ANKRD26: variants seen among roughly 807,000 people sequenced by gnomAD.
The protein encoded by ANKRD26 is ankyrin repeat domain-containing protein 26.
ANKRD26 carries 141 observed loss-of-function variants against 208.7 expected under a neutral mutation model. The ratio of observed to expected loss-of-function variants is 0.68; its 90% CI spans 0.59 to 0.78. ANKRD26 has a LOEUF of 0.78. ANKRD26 is among the 30% of genes least tolerant of loss of function. ANKRD26 has a pLI of 0.00. For missense variants in ANKRD26, 1,889 were observed against 1,938.7 expected (o/e 0.97, Z 0.48); for synonymous variants, 636 against 660.4 (o/e 0.96, Z 0.57).
chr10:26,978,335 A>C (rs534329198), intron 5 of ANKRD26, among the ~76,000 whole-genome samples: 2 of 152,218 alleles, frequency 1.3e-5, no homozygotes, highest in South Asian at 4.2e-4. Context: ...ACGTGCCTGT[A>C]GTGCCAGCTA....
At chr10:27,093,977 G>C (rs993752434) in intron 1 of ANKRD26, among the ~76,000 whole-genome samples, 178 bp from the exon 2 acceptor site, 1 of 152,180 alleles carries the variant, frequency 6.6e-6, no homozygotes, top group Non-Finnish European at 1.5e-5. Context: ...TGATCCCTAC[G>C]TGTGGTGAGG....
At chr10:27,079,347 T>C (rs1386679935) in intron 6 of ANKRD26, among the ~76,000 whole-genome samples, 186 bp from the exon 7 acceptor site, 2 of 152,216 alleles carry the variant, frequency 1.3e-5, no homozygotes, top group Admixed American at 1.3e-4. Context: ...TTGAAAAATA[T>C]TTTAGTTACC....
chr10:27,097,160 C>T (rs368430556), intron 1 of ANKRD26, among the ~76,000 whole-genome samples: 2 of 151,504 alleles, frequency 1.3e-5, no homozygotes, highest in African/African-American at 2.4e-5. Context: ...CCAGCCTGGG[C>T]GAAGAAGCGA....
chr10:26,966,854 A>G, the ANKRD26 span, among the ~76,000 whole-genome samples: 4 of 152,204 alleles, frequency 2.6e-5, no homozygotes, highest in Non-Finnish European at 5.9e-5. Flanking sequence ...TCTACGGGAC[A>G]TAAATTCATA....
the ANKRD26 span, among the ~76,000 whole-genome samples, chr10:26,949,095 T>G: frequency 6.6e-6 from 1 of 152,174 alleles, no homozygotes; most frequent in African/African-American, 2.4e-5. Flanking sequence ...CCTAGAGTTT[T>G]TTATTCTATT....
intron 10 of ANKRD26, among the ~76,000 whole-genome samples, 162 bp downstream of exon 10, chr10:27,066,995 T>C (rs1253051524): frequency 6.6e-6 from 1 of 151,958 alleles, no homozygotes; most frequent in Non-Finnish European, 1.5e-5. Context: ...TTAGTAGAGA[T>C]GGGGTTTCAT....
intron 32 of ANKRD26, 135 bp downstream of exon 32, chr10:27,012,747 G>A: frequency 3.9e-6 from 3 of 765,680 alleles, no homozygotes; most frequent in East Asian, 5.3e-5. Context: ...TAGACATAGA[G>A]GTTGCAGTGA....
the ANKRD26 span, among the ~76,000 whole-genome samples, chr10:26,962,051 T>C: frequency 2.0e-5 from 3 of 152,166 alleles, no homozygotes; most frequent in African/African-American, 7.2e-5. Flanking sequence ...CAACAGAAGA[T>C]TTGGGCACTT....
intron 1 of ANKRD26, among the ~76,000 whole-genome samples, chr10:27,099,461 T>C (rs2056573271): frequency 6.6e-6 from 1 of 151,660 alleles, no homozygotes; most frequent in Non-Finnish European, 1.5e-5. Flanking sequence ...AAAGATAGGG[T>C]CTTGCTCTGT....
chr10:27,062,836 C>T (rs983586719), intron 12 of ANKRD26, among the ~76,000 whole-genome samples: 4 of 151,048 alleles, frequency 2.6e-5, no homozygotes, highest in Admixed American at 6.6e-5. Context: ...GGCACAATCT[C>T]GGCTCACTGC....
intron 15 of ANKRD26, among the ~76,000 whole-genome samples, chr10:27,059,146 C>T (rs2054956259): frequency 6.6e-6 from 1 of 152,112 alleles, no homozygotes. Flanking sequence ...GATCTCCTGA[C>T]CTCGTGATCC....
At chr10:26,972,046 T>C (rs1285506655), downstream of ANKRD26, among the ~76,000 whole-genome samples, 83 of 152,036 alleles carry the variant, frequency 5.5e-4, no homozygotes, top group Non-Finnish European at 6.9e-4. Context: ...CCATCCTGGC[T>C]AACACGGTGA....
chr10:27,071,579 TG>T (rs1277617037), intron 9 of ANKRD26, among the ~76,000 whole-genome samples: 1 of 152,106 alleles, frequency 6.6e-6, no homozygotes, highest in Non-Finnish European at 1.5e-5. Flanking sequence ...CTCTCCCTCT[TG>T]GAAAGGCAAA....
At chr10:26,954,346 A>G in the ANKRD26 span, among the ~76,000 whole-genome samples, 1 of 152,216 alleles carries the variant, frequency 6.6e-6, no homozygotes, top group Non-Finnish European at 1.5e-5. Context: ...CATTTTCACT[A>G]TACAGGAAAT....
At chr10:26,966,419 G>C in the ANKRD26 span, among the ~76,000 whole-genome samples, 3 of 152,134 alleles carry the variant, frequency 2.0e-5, no homozygotes, top group African/African-American at 4.8e-5. Flanking sequence ...CTTATAAGTG[G>C]GAGTTGAACA....
chr10:26,994,017 T>C (rs2052535453), intron 5 of ANKRD26, among the ~76,000 whole-genome samples: 1 of 152,232 alleles, frequency 6.6e-6, no homozygotes, highest in Non-Finnish European at 1.5e-5. Flanking sequence ...GGTGCCTGGT[T>C]CTGCATAACA....
chr10:26,959,473 G>A, the ANKRD26 span, among the ~76,000 whole-genome samples: 1 of 152,140 alleles, frequency 6.6e-6, no homozygotes, highest in Admixed American at 6.5e-5. Flanking sequence ...CCTTGATTAT[G>A]AGAAAACTTT....
intron 4 of ANKRD26, among the ~76,000 whole-genome samples, chr10:26,980,898 A>T (rs2052297453): frequency 6.6e-6 from 1 of 152,050 alleles, no homozygotes; most frequent in Non-Finnish European, 1.5e-5. Context: ...TCTTTAAGAG[A>T]GATAAAGCAC....
the ANKRD26 span, among the ~76,000 whole-genome samples, chr10:26,953,426 T>A: frequency 6.6e-6 from 1 of 152,128 alleles, no homozygotes; most frequent in African/African-American, 2.4e-5. Flanking sequence ...AGTGGGACAC[T>A]GTCTCCAAAT....
Sources: allele counts gnomAD v4.1 joint callset (sites outside exome capture counted in the v4.1 genomes callset), GRCh38; gene constraint gnomAD v4.1.1; transcripts MANE v1.5; gene names NCBI Gene and HGNC (gene_info 2026-07-23, HGNC 2026-07-21).